Variants in VPS13B observed in about 807,000 individuals in gnomAD.
VPS13B encodes intermembrane lipid transfer protein VPS13B.
A neutral mutation model predicts 426.4 loss-of-function variants in VPS13B; 285 were observed. The observed-to-expected ratio is 0.67, with a 90% CI of 0.61 to 0.74. VPS13B has a LOEUF of 0.74. Ranked by LOEUF, VPS13B falls within the 30% of genes least tolerant of loss-of-function variation. The pLI, the probability that VPS13B is intolerant of heterozygous loss-of-function variation, is 0.00. For synonymous variants in VPS13B, 1,676 were observed against 1,676.4 expected, an observed-to-expected ratio of 1.00 and a Z score of 0.01; for missense variants, 4,537 against 4,782.6, an observed-to-expected ratio of 0.95 and a Z score of 1.51.
At chr8:99,808,408 C>T (rs1048508315) in intron 43 of VPS13B, among the ~76,000 whole-genome samples, 2 of 148,142 alleles carry the variant, frequency 1.4e-5, no homozygotes, top group Non-Finnish European at 3.0e-5. Context: ...CCCAGCTACT[C>T]GGGAGGCTGA....
At chr8:99,603,284 T>C (rs1253311953) in intron 33 of VPS13B, among the ~76,000 whole-genome samples, 1 of 152,206 alleles carries the variant, frequency 6.6e-6, no homozygotes, top group East Asian at 1.9e-4. Context: ...CTGTGGGTGA[T>C]ACATTCCAAG....
At chr8:99,320,225 C>T (rs1448348461) in intron 19 of VPS13B, among the ~76,000 whole-genome samples, 2 of 152,100 alleles carry the variant, frequency 1.3e-5, no homozygotes, top group Non-Finnish European at 2.9e-5. Context: ...TAAAGGTCCG[C>T]CTTAATAAGC....
At chr8:99,760,533 G>A (rs1352561600) in intron 39 of VPS13B, among the ~76,000 whole-genome samples, 1 of 152,028 alleles carries the variant, frequency 6.6e-6, no homozygotes, top group African/African-American at 2.4e-5. Flanking sequence ...TCCGAAGTGT[G>A]ACACCAATGA....
At chr8:99,312,687 C>G (rs1041651071) in intron 19 of VPS13B, among the ~76,000 whole-genome samples, 6 of 152,144 alleles carry the variant, frequency 3.9e-5, no homozygotes, top group Admixed American at 1.3e-4. Flanking sequence ...GTGGCGTTCT[C>G]TGTATTTCCT....
At chr8:99,819,833 A>C in intron 48 of VPS13B, 88 bp from the exon 49 acceptor site, 2 of 1,509,500 alleles carry the variant, frequency 1.3e-6, no homozygotes, top group Non-Finnish European at 1.8e-6. Flanking sequence ...ATGCAGGAGC[A>C]TGGTGTGTTT....
intron 3 of VPS13B, among the ~76,000 whole-genome samples, chr8:99,078,807 G>A (rs1845280569): frequency 6.6e-6 from 1 of 152,028 alleles, no homozygotes; most frequent in Non-Finnish European, 1.5e-5. Flanking sequence ...GGGTGTGCCG[G>A]TCCCCAGTCC....
chr8:99,178,493 A>C (rs545391325), intron 16 of VPS13B, among the ~76,000 whole-genome samples: 1 of 152,328 alleles, frequency 6.6e-6, no homozygotes, highest in African/African-American at 2.4e-5. Context: ...CCAACCTTTG[A>C]AATAAACAGG....
In VPS13B at chr8:99,777,050, T is replaced by C. The variant is rs964814766; in HGVS notation, c.7429+94T>C. ...AAGAGAAGTCAACAATCTTAGATAA[T>C]GTATTTTCAGGAAGTATAAAGCGAG... On this transcript the variant is annotated intron_variant, in intron 41 of 61. Coordinates refer to ENST00000357162, the MANE Select transcript of VPS13B (RefSeq NM_152564.5). The C allele has an allele frequency of 4.8e-6, 7 of 1,467,324 alleles. No individual in the cohort carries two copies. In the African/African-American group the frequency reaches 7.0e-5, roughly 15 times the overall value. The allele number at this position is 1,467,324 out of a possible 1,614,324, so 90.9% of individuals were successfully genotyped here. A position where few individuals can be genotyped will look rare whatever the true frequency, so the allele number is the denominator to read the frequency against.
chr8:99,504,432 C>T (rs1057013418), intron 27 of VPS13B, among the ~76,000 whole-genome samples: 2 of 152,172 alleles, frequency 1.3e-5, no homozygotes, highest in Non-Finnish European at 1.5e-5. Flanking sequence ...AGTAATAAGT[C>T]TTGAAAGACA....
Position 99,486,212 on chromosome 8 carries a change from A to G in VPS13B, c.3870+4410A>G, listed in dbSNP as rs551641321. On this transcript the variant is annotated intron_variant, in intron 25 of 61. Coordinates refer to ENST00000357162, the MANE Select transcript of VPS13B (RefSeq NM_152564.5). ...TATGCACGACGTCCCACACAAGCAAATAATAGCATTTAGTTTCTCATGTTT... is the reference window on the plus strand; with the variant it reads ...TATGCACGACGTCCCACACAAGCAAGTAATAGCATTTAGTTTCTCATGTTT... 4.9e-4 allele frequency among the ~76,000 whole-genome samples: 74 copies of G among 151,692 alleles called. 1 individual carries two copies. In the South Asian group the frequency reaches 0.015, roughly 30 times the overall value.
At chr8:99,061,645 A>G (rs1360980308) in intron 3 of VPS13B, among the ~76,000 whole-genome samples, 1 of 151,684 alleles carries the variant, frequency 6.6e-6, no homozygotes, top group Non-Finnish European at 1.5e-5. Context: ...TTTATTTTTT[A>G]GTAATTGCTC....
At chr8:99,552,525 T>C (rs1824333370) in intron 30 of VPS13B, among the ~76,000 whole-genome samples, 1 of 151,970 alleles carries the variant, frequency 6.6e-6, no homozygotes, top group South Asian at 2.1e-4. Flanking sequence ...CTGCAAAATC[T>C]TGGAACATTG....
chr8:99,464,970 T>C (rs1819035586), intron 23 of VPS13B, among the ~76,000 whole-genome samples: 1 of 152,174 alleles, frequency 6.6e-6, no homozygotes, highest in African/African-American at 2.4e-5. Flanking sequence ...TCTTATTCTT[T>C]AGACATTTTG....
At chr8:99,384,440 A>G in intron 20 of VPS13B, 123 bp downstream of exon 20, 1 of 782,780 alleles carries the variant, frequency 1.3e-6, no homozygotes, top group South Asian at 1.6e-5. Context: ...TTGTCTCCCC[A>G]CCTTACCCCT....
chr8:99,820,927 A>C (rs181629976), intron 49 of VPS13B, among the ~76,000 whole-genome samples: 1 of 152,098 alleles, frequency 6.6e-6, no homozygotes, highest in East Asian at 1.9e-4. Context: ...CTAATGTTGC[A>C]TATTATTCTC....
At chr8:99,190,751 A>G (rs1463691001) in intron 16 of VPS13B, among the ~76,000 whole-genome samples, 3 of 152,172 alleles carry the variant, frequency 2.0e-5, no homozygotes, top group African/African-American at 7.2e-5. Flanking sequence ...CATATGTCAT[A>G]AACTCTGAAC....
In VPS13B at chr8:99,193,062, G is replaced by A. The variant is rs562846082; in HGVS notation, c.2515+5G>A. 6.2e-7 allele frequency: 1 copy of A among 1,613,196 alleles called. No homozygotes were observed. The highest frequency in any genetic ancestry group is 1.1e-5 in the South Asian group (1 of 91,034). On this transcript the variant is annotated splice_donor_5th_base_variant and intron_variant, in intron 17 of 61. Coordinates refer to ENST00000357162, the MANE Select transcript of VPS13B (RefSeq NM_152564.5). ...ATGAAATCTTCCTAAGTATAGGTAA[G>A]AGCACAGTCTTTTTGATAACTATAT...
At chr8:99,691,054 G>A (rs553061520) in intron 35 of VPS13B, among the ~76,000 whole-genome samples, 21 of 152,294 alleles carry the variant, frequency 1.4e-4, no homozygotes, top group Admixed American at 3.3e-4. Context: ...ATTGATACAT[G>A]TTTCAACATG....
At chr8:99,273,126 C>A (rs111798258) in intron 17 of VPS13B, among the ~76,000 whole-genome samples, 1 of 150,552 alleles carries the variant, frequency 6.6e-6, no homozygotes, top group Non-Finnish European at 1.5e-5. Context: ...TTCACCTGAC[C>A]AAAATATTTC....
Sources: allele counts gnomAD v4.1 joint callset (sites outside exome capture counted in the v4.1 genomes callset), GRCh38; gene constraint gnomAD v4.1.1; transcripts MANE v1.5; gene names NCBI Gene and HGNC (gene_info 2026-07-23, HGNC 2026-07-21).